Variants in CASQ2 observed in about 807,000 individuals in gnomAD.
CASQ2 encodes the protein calsequestrin-2.
Under a neutral mutation model 46.5 loss-of-function variants are expected in CASQ2, and 49 were observed. The observed-to-expected ratio is 1.05, with a 90% confidence interval of 0.84 to 1.34. The LOEUF is 1.34. CASQ2 is among the 40% of genes most tolerant of loss of function. The pLI, the probability that CASQ2 is intolerant of heterozygous loss-of-function variation, is 0.00. For synonymous variants in CASQ2, 174 were observed against 168.5 expected, an observed-to-expected ratio of 1.03 and a Z score of -0.25; for missense variants, 486 against 481.3, an observed-to-expected ratio of 1.01 and a Z score of -0.09.
At chr1:115,746,026 C>T (rs1373125530) in intron 1 of CASQ2, among the ~76,000 whole-genome samples, 1 of 152,194 alleles carries the variant, frequency 6.6e-6, no homozygotes, top group Non-Finnish European at 1.5e-5. Context: ...ATTTGTTGTC[C>T]ATTCCTATAA....
intron 2 of CASQ2, among the ~76,000 whole-genome samples, chr1:115,743,677 G>A (rs1410914268): frequency 7.4e-6 from 1 of 134,736 alleles, no homozygotes; most frequent in Non-Finnish European, 1.6e-5. Flanking sequence ...TATTCACTGA[G>A]CCACCACTAA....
At position 115,700,658 on chromosome 1, in the gene CASQ2, T is replaced by C. The variant is rs1485558411; in HGVS notation, c.*583A>G. 1 of 217,822 alleles carries C rather than the reference T, an allele frequency of 4.6e-6. No individual in the cohort carries two copies. The highest frequency in any genetic ancestry group is 9.1e-6 in the Non-Finnish European group (1 of 109,692). 13.5% of individuals were successfully genotyped at this position (217,822 alleles called of 1,614,324 possible). A position where few individuals can be genotyped will look rare whatever the true frequency, so the allele number is the denominator to read the frequency against. ...TTGAATATCCAAGTTCATAGTGATA[T>C]GAATGACCATCACTTGAAATAAGTT... On this transcript the variant is annotated 3_prime_UTR_variant, in exon 11 of 11. Coordinates refer to ENST00000261448, the MANE Select transcript of CASQ2 (RefSeq NM_001232.4).
At chr1:115,753,545 T>C (rs1648653325) in intron 1 of CASQ2, among the ~76,000 whole-genome samples, 1 of 152,096 alleles carries the variant, frequency 6.6e-6, no homozygotes, top group Non-Finnish European at 1.5e-5. Flanking sequence ...GGCAAAGACA[T>C]GTTAGAGCAG....
rs147303295 is a variant in CASQ2, at chr1:115,729,675, A to G, written c.607-2553T>C. Among the ~76,000 whole-genome samples, 51 of 152,372 alleles carry G rather than the reference A, an allele frequency of 3.3e-4. No homozygotes were observed. In the East Asian group the frequency reaches 9.2e-3, roughly 28 times the overall value. ...CATGTGCATGTATATGAATTTTGAT[A>G]CAAATCATTTTTCCTCCAGTTAGCA... is the stretch of plus-strand genomic sequence containing the variant. On this transcript the variant is annotated intron_variant, in intron 5 of 10. Transcript: ENST00000261448.
intron 5 of CASQ2, among the ~76,000 whole-genome samples, chr1:115,731,414 A>G (rs1647779041): frequency 6.6e-6 from 1 of 152,214 alleles, no homozygotes; most frequent in African/African-American, 2.4e-5. Flanking sequence ...CTAGTCCATT[A>G]GAACCAAATG....
intron 8 of CASQ2, among the ~76,000 whole-genome samples, chr1:115,709,703 G>C (rs577615109): frequency 6.6e-6 from 1 of 152,174 alleles, no homozygotes; most frequent in African/African-American, 2.4e-5. Context: ...GACTGAGACC[G>C]TTTGACCTTG....
chr1:115,765,936 C>T (rs1013883072), intron 1 of CASQ2, among the ~76,000 whole-genome samples: 4 of 152,184 alleles, frequency 2.6e-5, no homozygotes, highest in African/African-American at 9.7e-5. Context: ...GATGTTTTGA[C>T]CATGAAGAAA....
chr1:115,703,133 A>G, intron 9 of CASQ2, 138 bp from the exon 10 acceptor site: 1 of 711,530 alleles, frequency 1.4e-6, no homozygotes, highest in Non-Finnish European at 2.5e-6. Context: ...TAGCAAATTG[A>G]AGACTTGGCC....
chr1:115,732,542 G>C (rs138519065), intron 5 of CASQ2, among the ~76,000 whole-genome samples: 1 of 152,276 alleles, frequency 6.6e-6, no homozygotes, highest in Non-Finnish European at 1.5e-5. Flanking sequence ...CAGTAGAAGG[G>C]GAAGTATGCA....
At chr1:115,717,246 C>T (rs1212684676) in intron 8 of CASQ2, among the ~76,000 whole-genome samples, 1 of 152,194 alleles carries the variant, frequency 6.6e-6, no homozygotes. Flanking sequence ...TTCTTCATAG[C>T]AATGTGAGAA....
chr1:115,747,679 T>G (rs1199205089), intron 1 of CASQ2, among the ~76,000 whole-genome samples: 1 of 152,242 alleles, frequency 6.6e-6, no homozygotes, highest in Non-Finnish European at 1.5e-5. Flanking sequence ...AGCCTACAAG[T>G]CTGGCACACA....
At position 115,740,594 on chromosome 1, in the gene CASQ2, G is replaced by GT. The variant is rs1249053318; in HGVS notation, c.420+133dup. The GT allele has an allele frequency of 6.8e-5, 47 of 687,070 alleles. No homozygotes were observed. The East Asian group carries it at 1.2e-3, about 18-fold the overall frequency. The allele number at this position is 687,070 out of a possible 1,614,324, so 42.6% of individuals were successfully genotyped here. A position where few individuals can be genotyped will look rare whatever the true frequency, so the allele number is the denominator to read the frequency against. ...AGTGCAATAATATAGGTGCTCCTTA[G>GT]TTTTTTGTGAATCCTGAAAAACCTG... On this transcript the variant is annotated intron_variant, in intron 3 of 10. Coordinates refer to ENST00000261448, the MANE Select transcript of CASQ2 (RefSeq NM_001232.4).
chr1:115,735,379 T>C (rs1647922519), intron 4 of CASQ2, among the ~76,000 whole-genome samples: 1 of 152,234 alleles, frequency 6.6e-6, no homozygotes, highest in Non-Finnish European at 1.5e-5. Context: ...TTTAAAACTA[T>C]GCTATGAATT....
At chr1:115,750,178 G>A (rs1050437994) in intron 1 of CASQ2, among the ~76,000 whole-genome samples, 1 of 152,206 alleles carries the variant, frequency 6.6e-6, no homozygotes, top group African/African-American at 2.4e-5. Context: ...ATCAAATACA[G>A]TGACAAAGAG....
chr1:115,719,596 G>A (rs951030600), intron 7 of CASQ2, among the ~76,000 whole-genome samples: 4 of 152,152 alleles, frequency 2.6e-5, no homozygotes, highest in African/African-American at 9.7e-5. Flanking sequence ...CACTGTGTGC[G>A]TCACAAAGAT....
At chr1:115,739,097 G>GT (rs1163826284) in intron 3 of CASQ2, among the ~76,000 whole-genome samples, 3 of 113,216 alleles carry the variant, frequency 2.6e-5, no homozygotes, top group Non-Finnish European at 6.2e-5. Context: ...ATTCCCTTGT[G>GT]TATGTATAGC....
chr1:115,729,209 C>A (rs1008118282), intron 5 of CASQ2, among the ~76,000 whole-genome samples: 3 of 151,952 alleles, frequency 2.0e-5, no homozygotes, highest in African/African-American at 7.3e-5. Flanking sequence ...GCCACCACAC[C>A]CAGCTAATTT....
intron 2 of CASQ2, among the ~76,000 whole-genome samples, chr1:115,741,415 GC>G (rs1648174376): frequency 1.3e-5 from 2 of 152,216 alleles, no homozygotes; most frequent in Non-Finnish European, 1.5e-5. Context: ...TCAGGTCTCA[GC>G]TTAGGATTCA....
chr1:115,740,857 A>G (rs1648151572), intron 2 of CASQ2, 29 bp from the exon 3 acceptor site: 1 of 1,454,396 alleles, frequency 6.9e-7, no homozygotes, highest in Non-Finnish European at 9.7e-7. Context: ...CCCACAGAGA[A>G]GGTCATCCTG....
Sources: allele counts gnomAD v4.1 joint callset (sites outside exome capture counted in the v4.1 genomes callset), GRCh38; gene constraint gnomAD v4.1.1; transcripts MANE v1.5; gene names NCBI Gene and HGNC (gene_info 2026-07-23, HGNC 2026-07-21).